The following POU6F2 variants were observed in gnomAD, a reference collection of about 807,000 sequenced individuals.
POU6F2 encodes POU domain, class 6, transcription factor 2.
In POU6F2, 31 loss-of-function variants were observed where a neutral mutation model predicts 71.3. The observed-to-expected ratio is 0.43, with a 90% confidence interval of 0.33 to 0.59. The LOEUF is 0.59. Among genes scored for constraint, POU6F2 ranks in the 20% least tolerant of loss-of-function variants. The pLI is 0.04. For synonymous variants in POU6F2, 347 were observed against 355.7 expected (o/e 0.98, Z 0.27); for missense variants, 783 against 856.8 (o/e 0.91, Z 1.07).
At chr7:39,231,894 G>C (rs1267420467) in intron 4 of POU6F2, among the ~76,000 whole-genome samples, 1 of 152,146 alleles carries the variant, frequency 6.6e-6, no homozygotes, top group Non-Finnish European at 1.5e-5. Flanking sequence ...ATTAATACAT[G>C]GGGCTTTAAA....
chr7:39,319,103 A>T (rs758676902), intron 4 of POU6F2, among the ~76,000 whole-genome samples: 1 of 152,172 alleles, frequency 6.6e-6, no homozygotes, highest in Non-Finnish European at 1.5e-5. Flanking sequence ...CTGCACCTCA[A>T]TCTGGTGACA....
At chr7:39,150,030 G>C (rs1792718565) in intron 2 of POU6F2, among the ~76,000 whole-genome samples, 1 of 151,720 alleles carries the variant, frequency 6.6e-6, no homozygotes, top group Non-Finnish European at 1.5e-5. Context: ...GGACTACAGG[G>C]GCCCGCAACC....
intron 1 of POU6F2, among the ~76,000 whole-genome samples, chr7:39,058,159 A>G (rs1277323464): frequency 1.3e-5 from 2 of 152,182 alleles, no homozygotes; most frequent in Non-Finnish European, 2.9e-5. Flanking sequence ...TACTATCTGA[A>G]AGCAGCATAT....
At chr7:39,421,881 T>C (rs1787858360) in intron 6 of POU6F2, among the ~76,000 whole-genome samples, 1 of 152,198 alleles carries the variant, frequency 6.6e-6, no homozygotes, top group Non-Finnish European at 1.5e-5. Context: ...TCTGATTTAG[T>C]CACTTAATCT....
chr7:39,015,799 A>G lies in POU6F2; in HGVS notation c.105+37741A>G, dbSNP rs1412414184. Among the ~76,000 whole-genome samples the G allele has an allele frequency of 4.3e-5, 4 of 93,924 alleles. No individual in the cohort carries two copies. In the East Asian group the frequency reaches 1.1e-3, roughly 27 times the overall value. 61.6% of individuals were successfully genotyped at this position (93,924 alleles called of 152,430 possible). A position where few individuals can be genotyped will look rare whatever the true frequency, so the allele number is the denominator to read the frequency against. ...ATTATATATGGTATATTATATATAG[A>G]TATATATTATATAGGTATATATTAT... is the stretch of plus-strand genomic sequence containing the variant. On this transcript the variant is annotated intron_variant, in intron 1 of 9. Coordinates refer to ENST00000518318, the MANE Select transcript of POU6F2 (RefSeq NM_001370959.1).
intron 2 of POU6F2, among the ~76,000 whole-genome samples, chr7:39,199,029 A>G (rs1002252902): frequency 1.3e-5 from 2 of 152,224 alleles, no homozygotes; most frequent in African/African-American, 4.8e-5. Flanking sequence ...TACCAGAGAA[A>G]GCTGAGGGAT....
chr7:39,434,756 G>C (rs73388323), intron 7 of POU6F2, among the ~76,000 whole-genome samples: 3,516 of 152,012 alleles, frequency 0.023, 132 homozygotes, highest in African/African-American at 0.081. Context: ...TGCTGCATTT[G>C]TTGACCCATC....
chr7:39,267,646 T>C (rs894314447), intron 4 of POU6F2, among the ~76,000 whole-genome samples: 2 of 151,998 alleles, frequency 1.3e-5, no homozygotes, highest in African/African-American at 2.4e-5. Flanking sequence ...ATTTATTTTT[T>C]TTTTTTAGAG....
chr7:39,263,556 A>G (rs1458067345), intron 4 of POU6F2, among the ~76,000 whole-genome samples: 1 of 152,238 alleles, frequency 6.6e-6, no homozygotes, highest in Admixed American at 6.5e-5. Context: ...TTCTGAACAA[A>G]GAAAAATAGA....
chr7:39,154,269 C>T (rs558911679), intron 2 of POU6F2, among the ~76,000 whole-genome samples: 5 of 152,236 alleles, frequency 3.3e-5, no homozygotes, highest in African/African-American at 4.8e-5. Flanking sequence ...CTGCAGCATG[C>T]GCTTTGGAGT....
At chr7:39,294,447 A>G (rs1037714911) in intron 4 of POU6F2, among the ~76,000 whole-genome samples, 1 of 151,344 alleles carries the variant, frequency 6.6e-6, no homozygotes, top group Non-Finnish European at 1.5e-5. Context: ...AAAAAGAGTT[A>G]CTTTGGATAA....
At chr7:39,209,605 G>A (rs550712042) in intron 4 of POU6F2, among the ~76,000 whole-genome samples, 30 of 152,244 alleles carry the variant, frequency 2.0e-4, no homozygotes, top group Admixed American at 1.8e-3. Context: ...GAAGTTCAAG[G>A]GCAATAAGGA....
chr7:39,323,100 A>G (rs1222021407), intron 4 of POU6F2, among the ~76,000 whole-genome samples: 1 of 150,996 alleles, frequency 6.6e-6, no homozygotes, highest in Non-Finnish European at 1.5e-5. Context: ...GAGAGAGAAG[A>G]CAGGAAGATT....
intron 2 of POU6F2, among the ~76,000 whole-genome samples, chr7:39,159,362 C>G (rs1276267983): frequency 6.6e-6 from 1 of 152,114 alleles, no homozygotes; most frequent in Non-Finnish European, 1.5e-5. Flanking sequence ...CATTCTTCAA[C>G]GCTCATCCAA....
intron 2 of POU6F2, among the ~76,000 whole-genome samples, chr7:39,138,597 C>A (rs1584562627): frequency 6.6e-6 from 1 of 152,254 alleles, no homozygotes; most frequent in East Asian, 1.9e-4. Flanking sequence ...TCACTGTCTC[C>A]CGTCATCCCC....
At chr7:39,397,512 G>T (rs1428220240) in intron 5 of POU6F2, among the ~76,000 whole-genome samples, 1 of 147,520 alleles carries the variant, frequency 6.8e-6, no homozygotes, top group African/African-American at 2.5e-5. Context: ...ACACATTTTG[G>T]AGACAGAGTC....
chr7:39,188,898 T>C (rs753294720), intron 2 of POU6F2, among the ~76,000 whole-genome samples: 3 of 152,214 alleles, frequency 2.0e-5, no homozygotes, highest in African/African-American at 4.8e-5. Context: ...ACCAGAAATT[T>C]ATCAGGTATT....
intron 2 of POU6F2, among the ~76,000 whole-genome samples, chr7:39,142,203 A>G (rs907426569): frequency 1.3e-5 from 2 of 152,354 alleles, no homozygotes; most frequent in East Asian, 3.9e-4. Context: ...TCTTTTGTGA[A>G]GAGCAAATGG....
chr7:39,174,002 C>T (rs1793278637), intron 2 of POU6F2, among the ~76,000 whole-genome samples: 2 of 152,194 alleles, frequency 1.3e-5, no homozygotes, highest in African/African-American at 4.8e-5. Context: ...GAGAGTTTGG[C>T]AGAGATTTCT....
Sources: gnomAD v4.1 joint callset for allele counts (sites outside exome capture counted in the v4.1 genomes callset) on GRCh38, gnomAD v4.1.1 for gene constraint, MANE v1.5 for transcripts, NCBI Gene and HGNC (gene_info 2026-07-23, HGNC 2026-07-21) for gene names.